Variants in CYP26C1 observed in about 807,000 individuals in gnomAD.
The protein encoded by CYP26C1 is cytochrome P450 26C1.
A neutral mutation model predicts 39.1 loss-of-function variants in CYP26C1; 41 were observed. That is an observed-to-expected ratio of 1.05 (90% CI 0.82 to 1.36). The LOEUF is 1.36. Among genes scored for constraint, CYP26C1 ranks in the 40% most tolerant of loss-of-function variants. The pLI is 0.00. For missense variants in CYP26C1, 833 were observed against 752.0 expected, an observed-to-expected ratio of 1.11 and a Z score of -1.26; for synonymous variants, 362 against 350.8, an observed-to-expected ratio of 1.03 and a Z score of -0.36.
chr10:93,061,536 C>T (rs1846749236), intron 1 of CYP26C1, 69 bp downstream of exon 1: 1 of 1,512,324 alleles, frequency 6.6e-7, no homozygotes, highest in Non-Finnish European at 9.0e-7. Context: ...GGACCCTCCT[C>T]AGTCTCAATG....
chr10:93,066,087 G>A lies in CYP26C1; in HGVS notation c.993G>A (p.Leu331=). 7.3e-7 allele frequency: 1 copy of A among 1,367,912 alleles called. No individual in the cohort carries two copies. The highest frequency in any genetic ancestry group is 9.4e-7 in the Non-Finnish European group (1 of 1,065,042). 84.7% of individuals were successfully genotyped at this position (1,367,912 alleles called of 1,614,324 possible). Residue 331 remains leucine, a synonymous_variant, in exon 5 of 6, where the codon CTG becomes CTA. Coordinates refer to ENST00000651965, the MANE Select transcript of CYP26C1 (RefSeq NM_183374.3). ...KIREELVAQG[L]GRACGCAPGA... is the part of the protein sequence containing the mutation. ...GGGAGGAGCTGGTGGCGCAGGGGCT[G>A]GGGCGCGCGTGCGGCTGCGCGCCCG...
rs1457789036 is a variant in CYP26C1 at position 93,060,882 on chromosome 10, C to T, written c.-382C>T. On this transcript the variant is annotated 5_prime_UTR_variant, in exon 1 of 6. Transcript: ENST00000651965. ...CACTGGTGAGTTGCTCTTCTTTCGCCCTCCTTCCCTTCTTCTATCCAAAGG... is the reference window on the plus strand; with the variant it reads ...CACTGGTGAGTTGCTCTTCTTTCGCTCTCCTTCCCTTCTTCTATCCAAAGG... The T allele has an allele frequency of 7.7e-6, 2 of 260,832 alleles. No homozygotes were observed. Among genetic ancestry groups the T allele is most frequent in the Non-Finnish European group, 1.5e-5 (2 of 137,590 alleles). 16.2% of individuals were successfully genotyped at this position (260,832 alleles called of 1,614,324 possible).
intron 5 of CYP26C1, among the ~76,000 whole-genome samples, chr10:93,066,864 C>G (rs1242903627): frequency 1.3e-5 from 2 of 152,192 alleles, no homozygotes; most frequent in Non-Finnish European, 2.9e-5. Flanking sequence ...TCCGTATGAC[C>G]TTGGGCAGTT....
rs1408746301 is a variant in CYP26C1 at position 93,062,917 on chromosome 10, G to T, written c.627G>T (p.Thr209=). The T allele has an allele frequency of 1.9e-6, 3 of 1,605,626 alleles. No individual in the cohort carries two copies. The highest frequency in any genetic ancestry group is 2.5e-6 in the Non-Finnish European group (3 of 1,178,822). The change falls in exon 3 of 6, where the codon ACG becomes ACT. Residue 209 remains threonine (T), a synonymous_variant. Coordinates refer to ENST00000651965, the MANE Select transcript of CYP26C1 (RefSeq NM_183374.3). ...GGCTGGACGAGGCGCAGTGCGCCACGCTGGCCCGGACCTTCGAGCAGCTCG... is the reference window on the plus strand; with the variant it reads ...GGCTGGACGAGGCGCAGTGCGCCACTCTGGCCCGGACCTTCGAGCAGCTCG... ...GLRLDEAQCA[T]LARTFEQLVE...
At chr10:93,062,301 A>G in intron 2 of CYP26C1, 67 bp downstream of exon 2, 1 of 1,448,206 alleles carries the variant, frequency 6.9e-7, no homozygotes, top group Non-Finnish European at 9.1e-7. Context: ...GCCATGGGCC[A>G]GGCCGGGGCC....
At chr10:93,064,053 T>A in intron 3 of CYP26C1, 1 of 1,121,428 alleles carries the variant, frequency 8.9e-7, no homozygotes, top group Non-Finnish European at 1.1e-6. Context: ...CACTGGGCTC[T>A]GTGCCAGGCA....
chr10:93,061,008 G>C lies in CYP26C1; in HGVS notation c.-256G>C. 1 of 502,268 alleles carries C rather than the reference G, an allele frequency of 2.0e-6. No individual in the cohort carries two copies. The highest frequency in any genetic ancestry group is 3.0e-5 in the South Asian group (1 of 33,434). 31.1% of individuals were successfully genotyped at this position (502,268 alleles called of 1,614,324 possible). ...GAGAGGGACTGGCATTTGGGCCCAG[G>C]AGCCAGGAAAAAGTCCTGAGCGTGC... On this transcript the variant is annotated 5_prime_UTR_variant, in exon 1 of 6. Coordinates refer to ENST00000651965, the MANE Select transcript of CYP26C1 (RefSeq NM_183374.3).
chr10:93,067,244 A>G (rs2134415607), intron 5 of CYP26C1, among the ~76,000 whole-genome samples: 1 of 152,358 alleles, frequency 6.6e-6, no homozygotes, highest in Middle Eastern at 3.4e-3. Flanking sequence ...TGACAGCCTC[A>G]TCCCACTTGT....
At chr10:93,063,020 T>C (rs1282081590) in intron 3 of CYP26C1, 25 bp downstream of exon 3, 1 of 1,514,814 alleles carries the variant, frequency 6.6e-7, no homozygotes, top group Non-Finnish European at 8.8e-7. Context: ...GCTCCAGACC[T>C]TCCTCCGAGG....
In CYP26C1 at chr10:93,066,191, T is replaced by C. The variant is rs1846825084; in HGVS notation, c.1097T>C (p.Leu366Pro). Residue 366 changes from leucine (L) to proline (P), a missense_variant, in exon 5 of 6, where the codon CTG becomes CCG. By Grantham distance (98) the Leu-to-Pro change is moderately conservative. Transcript: ENST00000651965. ...PDLSLAALGR[L>P]RYVDCVVKEV... ...CTCAGCCTCGCGGCGCTGGGCCGTCTGCGCTACGTCGACTGCGTGGTCAAG... is the reference window on the plus strand; with the variant it reads ...CTCAGCCTCGCGGCGCTGGGCCGTCCGCGCTACGTCGACTGCGTGGTCAAG... 1.4e-6 allele frequency: 2 copies of C among 1,465,978 alleles called. No homozygotes were observed. The highest frequency in any genetic ancestry group is 2.2e-5 in the Admixed American group (1 of 46,178). 90.8% of individuals were successfully genotyped at this position (1,465,978 alleles called of 1,614,324 possible).
Position 93,064,368 on chromosome 10 carries a change from C to G in CYP26C1, c.706-13C>G. The G allele has an allele frequency of 6.2e-7, 1 of 1,610,650 alleles. No individual in the cohort carries two copies. Among genetic ancestry groups the G allele is most frequent in the Non-Finnish European group, 8.5e-7 (1 of 1,178,140 alleles). ...CCTTCCTGCCCCATCTTTCTTCTCT[C>G]CCTGAACATCAGGGCATCCGGGCAA... On this transcript the variant is annotated splice_polypyrimidine_tract_variant and intron_variant, in intron 3 of 5. Coordinates refer to ENST00000651965, the MANE Select transcript of CYP26C1 (RefSeq NM_183374.3).
intron 3 of CYP26C1, 191 bp from the exon 4 acceptor site, chr10:93,064,190 T>A (rs1388454612): frequency 1.5e-6 from 2 of 1,375,372 alleles, no homozygotes; most frequent in Non-Finnish European, 1.9e-6. Context: ...GACAGAATGA[T>A]GTTTGTGGAC....
In CYP26C1 at chr10:93,061,253, G is replaced by A; in HGVS notation, c.-11G>A. 2 of 1,558,478 alleles carry A rather than the reference G, an allele frequency of 1.3e-6. No individual in the cohort carries two copies. The highest frequency in any genetic ancestry group is 1.7e-6 in the Non-Finnish European group (2 of 1,154,186). On this transcript the variant is annotated 5_prime_UTR_variant, in exon 1 of 6. Transcript: ENST00000651965. Reference sequence around the variant, plus strand: ...CTGCGCTCTGAGCGGCCTGGCCCCCGCGGGCTCATCATGTTCCCTTGGGGG... The same window carrying A: ...CTGCGCTCTGAGCGGCCTGGCCCCCACGGGCTCATCATGTTCCCTTGGGGG...
In CYP26C1 at chr10:93,068,454, C is replaced by A. The variant is rs1217652382; in HGVS notation, c.1326C>A (p.Gly442=). Residue 442 remains glycine (G), a synonymous_variant, in exon 6 of 6, where the codon GGC becomes GGA. Coordinates refer to ENST00000651965, the MANE Select transcript of CYP26C1 (RefSeq NM_183374.3). ...GCGCAGCGCGCGAAGATTCCCGGGGCGCCTCCAGCCGCTTCCATTACATCC... is the reference window on the plus strand; with the variant it reads ...GCGCAGCGCGCGAAGATTCCCGGGGAGCCTCCAGCCGCTTCCATTACATCC... The part of the protein sequence containing the change: ...RFGAAREDSR[G]ASSRFHYIPF... 6.2e-7 allele frequency: 1 copy of A among 1,611,268 alleles called. No individual in the cohort carries two copies. The highest frequency in any genetic ancestry group is 8.5e-7 in the Non-Finnish European group (1 of 1,179,332).
chr10:93,068,419 G>A lies in CYP26C1; in HGVS notation c.1291G>A (p.Glu431Lys). Residue 431 changes from glutamate to lysine, a missense_variant, in exon 6 of 6, where the codon GAG becomes AAG. By Grantham distance (56) the Glu-to-Lys change is moderately conservative (BLOSUM62 1). Transcript: ENST00000651965. ...CAGCCCTCCCGAAGGCTTCGATCCA[G>A]AGCGCTTCGGCGCAGCGCGCGAAGA... ...YRSPPEGFDP[E>K]RFGAAREDSR... 1 of 1,612,094 alleles carries A rather than the reference G, an allele frequency of 6.2e-7. No individual in the cohort carries two copies. Among genetic ancestry groups the A allele is most frequent in the Non-Finnish European group, 8.5e-7 (1 of 1,179,554 alleles).
Position 93,064,369 on chromosome 10 carries a change from C to T in CYP26C1, c.706-12C>T, listed in dbSNP as rs1048411113. The T allele has an allele frequency of 3.1e-6, 5 of 1,610,888 alleles. No individual in the cohort carries two copies. The African/African-American group carries it at 6.7e-5, about 22-fold the overall frequency. On this transcript the variant is annotated splice_polypyrimidine_tract_variant and intron_variant, in intron 3 of 5. Coordinates refer to ENST00000651965, the MANE Select transcript of CYP26C1 (RefSeq NM_183374.3). ...CTTCCTGCCCCATCTTTCTTCTCTC[C>T]CTGAACATCAGGGCATCCGGGCAAG...
At position 93,062,029 on chromosome 10, in the gene CYP26C1, C is replaced by A; in HGVS notation, c.224C>A (p.Ser75Tyr). 6.4e-7 allele frequency: 1 copy of A among 1,570,108 alleles called. No individual in the cohort carries two copies. Among genetic ancestry groups the A allele is most frequent in the South Asian group, 1.2e-5 (1 of 85,242 alleles). ...CCGCAGGGCTCGCGCTTCCACAGTTCTCGCCGAGAGCGCTATGGGACAGTG... is the reference window on the plus strand; with the variant it reads ...CCGCAGGGCTCGCGCTTCCACAGTTATCGCCGAGAGCGCTATGGGACAGTG... ...WLVQGSRFHSSRRERYGTVFK... is the reference protein window; with the variant it reads ...WLVQGSRFHSYRRERYGTVFK... Residue 75 changes from serine to tyrosine, a missense_variant, in exon 2 of 6, where the codon TCT (serine) becomes TAT (tyrosine). Ser to Tyr is a moderately radical substitution (Grantham distance 144). Coordinates refer to ENST00000651965, the MANE Select transcript of CYP26C1 (RefSeq NM_183374.3).
intron 3 of CYP26C1, 148 bp downstream of exon 3, chr10:93,063,143 G>T: frequency 7.1e-7 from 1 of 1,399,596 alleles, no homozygotes; most frequent in South Asian, 1.6e-5. Context: ...GAGGCGTTGT[G>T]GCGGTGGCGT....
Position 93,064,366 on chromosome 10 carries a change from C to T in CYP26C1, c.706-15C>T. 6.2e-7 allele frequency: 1 copy of T among 1,609,982 alleles called. No homozygotes were observed. The highest frequency in any genetic ancestry group is 8.5e-7 in the Non-Finnish European group (1 of 1,177,734). ...AGCCTTCCTGCCCCATCTTTCTTCT[C>T]TCCCTGAACATCAGGGCATCCGGGC... On this transcript the variant is annotated splice_polypyrimidine_tract_variant and intron_variant, in intron 3 of 5. Transcript: ENST00000651965.
Sources: allele counts gnomAD v4.1 joint callset (sites outside exome capture counted in the v4.1 genomes callset), GRCh38; gene constraint gnomAD v4.1.1; transcripts MANE v1.5; gene names NCBI Gene and HGNC (gene_info 2026-07-23, HGNC 2026-07-21).